The following PCDH17 variants were observed in gnomAD, a reference collection of about 807,000 sequenced individuals.
PCDH17 encodes the protein protocadherin-17.
In PCDH17, 21 loss-of-function variants were observed where a neutral mutation model predicts 67.7. The ratio of observed to expected loss-of-function variants is 0.31; its 90% CI spans 0.22 to 0.45. The LOEUF is 0.45. Among genes scored for constraint, PCDH17 ranks in the 20% least tolerant of loss-of-function variants. The probability of loss-of-function intolerance (pLI) is 1.00; values close to 1 mark genes in which losing one functional copy is unlikely to be tolerated. For missense variants in PCDH17, 1,471 were observed against 1,564.8 expected (o/e 0.94, Z 1.01); for synonymous variants, 701 against 656.7 (o/e 1.07, Z -1.03).
intron 3 of PCDH17, among the ~76,000 whole-genome samples, chr13:57,695,282 G>A (rs1045278703): frequency 6.6e-6 from 1 of 151,000 alleles, no homozygotes; most frequent in Non-Finnish European, 1.5e-5. Context: ...ACTGAAAAAA[G>A]GAGATGATCA....
chr13:57,666,801 C>G lies in PCDH17; in HGVS notation c.2765C>G (p.Thr922Ser), dbSNP rs1029275812. Reference protein sequence around the residue: ...MSVREALKMKTTSTKSQPLEQ... With the variant: ...MSVREALKMKSTSTKSQPLEQ... ...GTTAGGGAGGCACTCAAGATGAAAACTACTTCAACTAAAAGCCAACCACTT... is the reference window on the plus strand; with the variant it reads ...GTTAGGGAGGCACTCAAGATGAAAAGTACTTCAACTAAAAGCCAACCACTT... Residue 922 changes from threonine (T) to serine (S), a missense_variant, in exon 3 of 4, where the codon ACT (threonine) becomes AGT (serine). Thr to Ser is a moderately conservative substitution (Grantham distance 58). Coordinates refer to ENST00000377918, the MANE Select transcript of PCDH17 (RefSeq NM_001040429.3). 3 of 1,611,216 alleles carry G rather than the reference C, an allele frequency of 1.9e-6. No individual in the cohort carries two copies. Among genetic ancestry groups the G allele is most frequent in the Admixed American group, 1.7e-5 (1 of 59,390 alleles).
At chr13:57,664,504 C>T (rs1955225610) in intron 1 of PCDH17, among the ~76,000 whole-genome samples, 1 of 152,016 alleles carries the variant, frequency 6.6e-6, no homozygotes, top group African/African-American at 2.4e-5. Flanking sequence ...AAAAAGTTTC[C>T]CCAGACTATT....
At chr13:57,661,655 T>C (rs1223690553) in intron 1 of PCDH17, among the ~76,000 whole-genome samples, 1 of 152,160 alleles carries the variant, frequency 6.6e-6, no homozygotes, top group Non-Finnish European at 1.5e-5. Context: ...AATGTGTATG[T>C]GTATGTGTGT....
At chr13:57,668,440 C>G (rs574277448) in intron 3 of PCDH17, among the ~76,000 whole-genome samples, 39 of 152,090 alleles carry the variant, frequency 2.6e-4, no homozygotes, top group African/African-American at 9.4e-4. Flanking sequence ...AAAACAGCAA[C>G]AAGAAAAAAC....
At chr13:57,651,419 TG>T (rs1955037076) in intron 1 of PCDH17, among the ~76,000 whole-genome samples, 1 of 143,870 alleles carries the variant, frequency 7.0e-6, no homozygotes, top group African/African-American at 2.6e-5. Flanking sequence ...AGGAGTGCAG[TG>T]GCACGATCTC....
rs1593957007 is a variant in PCDH17 at position 57,727,398 on chromosome 13, A to G, written c.*2104A>G. 6.6e-6 allele frequency: 1 copy of G among 152,584 alleles called. No individual in the cohort carries two copies. The highest frequency in any genetic ancestry group is 2.4e-5 in the African/African-American group (1 of 41,466). The allele number at this position is 152,584 out of a possible 1,614,324, so 9.5% of individuals were successfully genotyped here. On this transcript the variant is annotated 3_prime_UTR_variant, in exon 4 of 4. Transcript: ENST00000377918. ...ATTTAAAACAAAAACAAAAGCAAAA[A>G]CAAACATTGAATTAAATTAAGTTTT...
chr13:57,658,764 G>GTTTGTTTTGTTTTGTTTTGT (rs61473114), intron 1 of PCDH17, among the ~76,000 whole-genome samples: 4,129 of 150,106 alleles, frequency 0.028, 117 homozygotes, highest in African/African-American at 0.067. Flanking sequence ...TTTTTCGTTT[G>GTTTGTTTTGTTTTGTTTTGT]TTTGTTTTGT....
intron 3 of PCDH17, among the ~76,000 whole-genome samples, chr13:57,686,302 C>T (rs61961885): frequency 0.051 from 7,677 of 151,892 alleles, 254 homozygotes; most frequent in Middle Eastern, 0.096. Flanking sequence ...AAATTACTAA[C>T]GTTAGCAGAA....
chr13:57,630,142 C>A (rs1954699563), upstream of PCDH17, among the ~76,000 whole-genome samples: 1 of 152,184 alleles, frequency 6.6e-6, no homozygotes, highest in Non-Finnish European at 1.5e-5. Context: ...GAGCAGGGAT[C>A]GCGAGCCCGG....
chr13:57,720,554 T>A (rs1206381393), intron 3 of PCDH17, among the ~76,000 whole-genome samples: 6 of 152,026 alleles, frequency 3.9e-5, no homozygotes, highest in Non-Finnish European at 8.8e-5. Context: ...GTACCCCTGA[T>A]ATTATGAATA....
chr13:57,639,316 T>G (rs1469800323), intron 1 of PCDH17, among the ~76,000 whole-genome samples: 1 of 151,888 alleles, frequency 6.6e-6, no homozygotes, highest in Non-Finnish European at 1.5e-5. Context: ...AATCAGATAT[T>G]CAATGTTTAG....
rs946948516 is a variant in PCDH17, at chr13:57,649,038, A to G, written c.2565+13927A>G. Among the ~76,000 whole-genome samples the G allele has an allele frequency of 3.9e-5, 6 of 152,186 alleles. No homozygotes were observed. In the East Asian group the frequency reaches 1.2e-3, roughly 29 times the overall value. ...TTGCTCTGCTTACTGAAGTTCATGT[A>G]CCTTGGAAAAGAGTCATGATTAGAC... On this transcript the variant is annotated intron_variant, in intron 1 of 3. Coordinates refer to ENST00000377918, the MANE Select transcript of PCDH17 (RefSeq NM_001040429.3).
chr13:57,653,006 A>G (rs527933801), intron 1 of PCDH17, among the ~76,000 whole-genome samples: 2 of 152,304 alleles, frequency 1.3e-5, no homozygotes, highest in African/African-American at 4.8e-5. Context: ...ACACATTGCC[A>G]CAGGGTCTTT....
Position 57,633,069 on chromosome 13 carries a change from G to A in PCDH17, c.523G>A (p.Asp175Asn), listed in dbSNP as rs749267610. The A allele has an allele frequency of 9.9e-6, 16 of 1,613,120 alleles. No individual in the cohort carries two copies. The highest frequency in any genetic ancestry group is 1.3e-5 in the Non-Finnish European group (15 of 1,179,966). Residue 175 changes from aspartate to asparagine, a missense_variant, in exon 1 of 4, where the codon GAT becomes AAT. Asp to Asn is a conservative substitution (Grantham distance 23). Around this residue, in one of 3 missense-constraint regions of PCDH17, gnomAD observed 1,163 missense variants for 1,230.0 expected, o/e 0.95. Coordinates refer to ENST00000377918, the MANE Select transcript of PCDH17 (RefSeq NM_001040429.3). The surrounding 1 kb of genome is among the most constrained non-coding windows in gnomAD (Gnocchi z 6.2). ...CCGCACCTACCTGCTCACGCGCGAC[G>A]ATCACGGCCTCTTTGGACTGGACGT... ...GLRTYLLTRD[D>N]HGLFGLDVKS...
At chr13:57,701,170 TGAA>T (rs1446627389) in intron 3 of PCDH17, among the ~76,000 whole-genome samples, 1 of 152,170 alleles carries the variant, frequency 6.6e-6, no homozygotes. Context: ...TTTTTTAAAA[TGAA>T]GTTTAGTTTA....
chr13:57,682,441 A>T (rs1955461232), intron 3 of PCDH17, among the ~76,000 whole-genome samples: 1 of 151,806 alleles, frequency 6.6e-6, no homozygotes, highest in Admixed American at 6.6e-5. Context: ...GATGTAAATC[A>T]GGTCATTTCA....
At chr13:57,646,267 T>C (rs1032229633) in intron 1 of PCDH17, among the ~76,000 whole-genome samples, 1 of 151,654 alleles carries the variant, frequency 6.6e-6, no homozygotes, top group African/African-American at 2.4e-5. Context: ...AGCCTTCATA[T>C]AAACAGTATG....
chr13:57,671,213 T>C (rs934233825), intron 3 of PCDH17, among the ~76,000 whole-genome samples: 1 of 151,858 alleles, frequency 6.6e-6, no homozygotes, highest in Admixed American at 6.6e-5. Context: ...CATAATAGGA[T>C]ATTACTTAAT....
At chr13:57,699,150 G>A (rs1314760255) in intron 3 of PCDH17, among the ~76,000 whole-genome samples, 2 of 151,838 alleles carry the variant, frequency 1.3e-5, no homozygotes, top group Admixed American at 6.6e-5. Context: ...GTATTTTAAT[G>A]TTTATGCATT....
Sources: gnomAD v4.1 joint callset for allele counts (sites outside exome capture counted in the v4.1 genomes callset) on GRCh38, gnomAD v4.1.1 for gene constraint, gnomAD v4.1.1 regional missense constraint, Gnocchi (gnomAD v3.1) non-coding constraint, MANE v1.5 for transcripts, NCBI Gene and HGNC (gene_info 2026-07-23, HGNC 2026-07-21) for gene names.